TEX11: variants seen among roughly 807,000 people sequenced by gnomAD.
The protein encoded by TEX11 is testis expressed 11.
TEX11 carries 7 observed loss-of-function variants against 84.4 expected under a neutral mutation model. The observed-to-expected ratio is 0.08, with a 90% CI of 0.05 to 0.16. The LOEUF is 0.16. Among genes scored for constraint, TEX11 ranks in the 10% least tolerant of loss-of-function variants. TEX11 has a pLI of 1.00. For missense variants in TEX11, 551 were observed against 660.5 expected (o/e 0.83, Z 1.82); for synonymous variants, 264 against 222.8 (o/e 1.18, Z -1.64).
rs1045408738 is a variant in TEX11, at chrX:70,636,753, T to C, written c.1484-7018A>G. On this transcript the variant is annotated intron_variant, in intron 17 of 29. Transcript: ENST00000374333. The stretch of plus-strand genomic sequence containing the variant: ...ATCAAGAAGTCCACCTCAGTGGATA[T>C]AGGCTCCAGATCCAACCCCATGGAC... Among the ~76,000 whole-genome samples the C allele has an allele frequency of 3.4e-4, 38 of 112,069 alleles. 1 individual carries two copies. The highest frequency in any genetic ancestry group is 4.9e-4 in the Non-Finnish European group (26 of 53,162).
intron 17 of TEX11, among the ~76,000 whole-genome samples, chrX:70,638,262 A>T (rs2089599362): frequency 9.0e-6 from 1 of 111,579 alleles, no homozygotes; most frequent in African/African-American, 3.3e-5. Flanking sequence ...AGCATATCAC[A>T]TATAAAGGAG....
Position 70,642,341 on chromosome X carries a change from C to A in TEX11, c.1483+9109G>T, listed in dbSNP as rs1390532747. ...TCACAGCCGAATTCTACCAGAGGTA[C>A]AAGGAGGAACCGGTACCATTCCTTC... On this transcript the variant is annotated intron_variant, in intron 17 of 29. Transcript: ENST00000374333. Among the ~76,000 whole-genome samples, 32 of 111,410 alleles carry A rather than the reference C, an allele frequency of 2.9e-4. 1 individual carries two copies. The Admixed American group carries it at 3.1e-3, about 11-fold the overall frequency.
intron 4 of TEX11, among the ~76,000 whole-genome samples, chrX:70,872,016 G>C (rs1283013664): frequency 1.9e-5 from 2 of 107,519 alleles, no homozygotes; most frequent in South Asian, 4.0e-4. Flanking sequence ...AAGAAAAAAA[G>C]AAATGAGACA....
At chrX:70,743,124 A>G (rs756149135) in intron 10 of TEX11, among the ~76,000 whole-genome samples, 1 of 111,970 alleles carries the variant, frequency 8.9e-6, no homozygotes, top group African/African-American at 3.2e-5. Context: ...TACCTCACAT[A>G]AGTGGAACCA....
intron 9 of TEX11, among the ~76,000 whole-genome samples, chrX:70,799,912 A>C (rs1356163866): frequency 9.0e-6 from 1 of 111,306 alleles, no homozygotes; most frequent in Non-Finnish European, 1.9e-5. Context: ...ACTCCTCTTC[A>C]ATTAGAGCAC....
chrX:70,593,806 A>G (rs905159950), intron 24 of TEX11, among the ~76,000 whole-genome samples: 1 of 111,555 alleles, frequency 9.0e-6, no homozygotes, highest in Non-Finnish European at 1.9e-5. Flanking sequence ...AGCAAACATG[A>G]AGATAGATTA....
At chrX:70,624,410 G>A (rs2089428295) in intron 19 of TEX11, among the ~76,000 whole-genome samples, 1 of 111,547 alleles carries the variant, frequency 9.0e-6, no homozygotes, top group Admixed American at 9.6e-5. Flanking sequence ...TCTTTGAAGG[G>A]ATCTGGCAGC....
chrX:70,734,304 T>G (rs2090679070), intron 11 of TEX11, among the ~76,000 whole-genome samples: 1 of 105,121 alleles, frequency 9.5e-6, no homozygotes, highest in African/African-American at 3.8e-5. Flanking sequence ...AAAGTATAAT[T>G]TAAAAAAAAA....
chrX:70,663,012 A>G (rs754885603), intron 16 of TEX11, among the ~76,000 whole-genome samples: 3 of 112,139 alleles, frequency 2.7e-5, no homozygotes, highest in African/African-American at 9.7e-5. Flanking sequence ...ATATTTTTAT[A>G]AATTCATTTT....
chrX:70,697,380 C>T (rs748377314), intron 13 of TEX11, among the ~76,000 whole-genome samples: 4 of 111,687 alleles, frequency 3.6e-5, no homozygotes, highest in African/African-American at 9.8e-5. Flanking sequence ...TGTCTGAGGT[C>T]GCATGGTCAT....
chrX:70,793,573 G>C (rs1420780050), intron 9 of TEX11, among the ~76,000 whole-genome samples: 1 of 111,390 alleles, frequency 9.0e-6, no homozygotes, highest in Non-Finnish European at 1.9e-5. Context: ...GTCTGCTCCC[G>C]CTTCACCTTC....
At chrX:70,790,116 A>G (rs2091109094) in intron 9 of TEX11, among the ~76,000 whole-genome samples, 1 of 112,130 alleles carries the variant, frequency 8.9e-6, no homozygotes, top group African/African-American at 3.2e-5. Flanking sequence ...AATGGTGGTT[A>G]CAGAGACAGA....
intron 17 of TEX11, among the ~76,000 whole-genome samples, chrX:70,638,850 GA>G (rs1374816749): frequency 1.9e-5 from 2 of 103,711 alleles, no homozygotes; most frequent in Non-Finnish European, 4.0e-5. Context: ...TTTAGACTAA[GA>G]AAAAAAGATA....
intron 9 of TEX11, among the ~76,000 whole-genome samples, chrX:70,768,285 AAAAT>A (rs1279869663): frequency 1.8e-5 from 2 of 111,043 alleles, no homozygotes; most frequent in Non-Finnish European, 3.8e-5. Context: ...ACAAAAATTA[AAAAT>A]AAATAAAATA....
At chrX:70,724,682 A>C (rs1237165507) in intron 12 of TEX11, among the ~76,000 whole-genome samples, 1 of 111,309 alleles carries the variant, frequency 9.0e-6, no homozygotes, top group African/African-American at 3.3e-5. Context: ...GGTAACATAT[A>C]TTGCACACTA....
intron 20 of TEX11, among the ~76,000 whole-genome samples, chrX:70,620,645 C>A (rs2147545656): frequency 8.9e-6 from 1 of 112,484 alleles, no homozygotes; most frequent in East Asian, 2.8e-4. Flanking sequence ...AAGTTACCTG[C>A]ACATGAATGT....
At chrX:70,581,618 T>A (rs917823329) in intron 25 of TEX11, among the ~76,000 whole-genome samples, 2 of 111,180 alleles carry the variant, frequency 1.8e-5, no homozygotes, top group Non-Finnish European at 3.8e-5. Context: ...TTGCTTCTTA[T>A]TTTTATATGC....
chrX:70,688,818 T>C (rs2090211283), intron 13 of TEX11, among the ~76,000 whole-genome samples: 1 of 105,027 alleles, frequency 9.5e-6, no homozygotes, highest in South Asian at 4.1e-4. Flanking sequence ...TATATATATA[T>C]ATATAATTTG....
chrX:70,755,726 A>T (rs1029369522), intron 9 of TEX11, among the ~76,000 whole-genome samples: 2 of 112,227 alleles, frequency 1.8e-5, no homozygotes, highest in African/African-American at 6.5e-5. Context: ...TACCTGGTTT[A>T]TCTCATTGAG....
Sources: gnomAD v4.1 joint callset for allele counts (sites outside exome capture counted in the v4.1 genomes callset) on GRCh38, gnomAD v4.1.1 for gene constraint, MANE v1.5 for transcripts, NCBI Gene and HGNC (gene_info 2026-07-23, HGNC 2026-07-21) for gene names.